The following NRXN3 variants were observed in gnomAD, a reference collection of about 807,000 sequenced individuals.
NRXN3 encodes the protein neurexin III.
A neutral mutation model predicts 137.6 loss-of-function variants in NRXN3; 32 were observed. That is an observed-to-expected ratio of 0.23 (90% CI 0.18 to 0.31). The LOEUF is 0.31. Among genes scored for constraint, NRXN3 ranks in the 10% least tolerant of loss-of-function variants. The pLI is 1.00. For missense variants in NRXN3, 1,574 were observed against 2,062.5 expected (o/e 0.76, Z 4.59); for synonymous variants, 798 against 784.5 (o/e 1.02, Z -0.29).
At chr14:78,217,947 C>T (rs1235257756) in intron 1 of NRXN3, among the ~76,000 whole-genome samples, 1 of 152,140 alleles carries the variant, frequency 6.6e-6, no homozygotes, top group African/African-American at 2.4e-5. Flanking sequence ...AGGCATAAGC[C>T]CCCACATCTG....
intron 4 of NRXN3, among the ~76,000 whole-genome samples, chr14:78,322,002 G>A (rs61976032): frequency 0.17 from 26,353 of 151,806 alleles, 2,495 homozygotes; most frequent in Middle Eastern, 0.22. Context: ...TCACCACTTT[G>A]AATAAAACTA....
intron 4 of NRXN3, among the ~76,000 whole-genome samples, chr14:78,532,402 TG>T (rs1415319739): frequency 2.6e-5 from 4 of 151,626 alleles, no homozygotes; most frequent in Admixed American, 6.6e-5. Context: ...TGTGTGTGTG[TG>T]TGTGTGTGTG....
chr14:79,785,875 A>G (rs2099127846), intron 19 of NRXN3, among the ~76,000 whole-genome samples: 2 of 152,042 alleles, frequency 1.3e-5, no homozygotes, highest in Non-Finnish European at 2.9e-5. Flanking sequence ...CCTTAACATC[A>G]TCTGCTGAAC....
chr14:78,845,930 GTGTGTGTA>G (rs2099025622), intron 10 of NRXN3, among the ~76,000 whole-genome samples: 1 of 151,620 alleles, frequency 6.6e-6, no homozygotes, highest in African/African-American at 2.4e-5. Flanking sequence ...GTGTGTGTGT[GTGTGTGTA>G]TGTGTGTGTA....
intron 16 of NRXN3, among the ~76,000 whole-genome samples, chr14:79,590,737 T>G (rs1339359601): frequency 6.6e-6 from 1 of 152,242 alleles, no homozygotes; most frequent in Non-Finnish European, 1.5e-5. Flanking sequence ...TACAGTCTTC[T>G]GTGTGTCACA....
At chr14:79,637,738 T>TTTTTTTTTTTTTTTTTTTTTTC in intron 16 of NRXN3, among the ~76,000 whole-genome samples, 1 of 138,432 alleles carries the variant, frequency 7.2e-6, no homozygotes, top group African/African-American at 3.1e-5. Flanking sequence ...TCTTTTTTTT[T>TTTTTTTTTTTTTTTTTTTTTTC]TTTTTTTTTG....
chr14:79,094,127 G>T (rs554870010), intron 15 of NRXN3, among the ~76,000 whole-genome samples: 1 of 152,222 alleles, frequency 6.6e-6, no homozygotes, highest in South Asian at 2.1e-4. Flanking sequence ...TAGATGAACA[G>T]CCCAGCTTGG....
At chr14:78,421,402 A>G (rs2153677621) in intron 4 of NRXN3, among the ~76,000 whole-genome samples, 1 of 152,332 alleles carries the variant, frequency 6.6e-6, no homozygotes, top group African/African-American at 2.4e-5. Context: ...TCTAACAAGG[A>G]GGATATAAAT....
chr14:79,041,280 G>A (rs2099624621), intron 15 of NRXN3, among the ~76,000 whole-genome samples: 1 of 152,180 alleles, frequency 6.6e-6, no homozygotes, highest in Non-Finnish European at 1.5e-5. Flanking sequence ...GTGAAATAAT[G>A]TATGTCAAAG....
intron 15 of NRXN3, among the ~76,000 whole-genome samples, chr14:79,127,472 A>G (rs375080605): frequency 6.6e-5 from 10 of 152,076 alleles, no homozygotes; most frequent in Admixed American, 2.6e-4. Flanking sequence ...GTTTGTCAAA[A>G]ATCAGATAGT....
chr14:79,798,747 G>A (rs899784913), intron 19 of NRXN3, among the ~76,000 whole-genome samples: 1 of 152,284 alleles, frequency 6.6e-6, no homozygotes, highest in East Asian at 1.9e-4. Context: ...AAGGCAGTTG[G>A]GCAGTAAGGA....
At position 78,803,679 on chromosome 14, in the gene NRXN3, A is replaced by G. The variant is rs1325490998; in HGVS notation, c.2104A>G (p.Met702Val). ...MYMKIIMPMV[M>V]HTEAEDVSFR... ...CATGAAGATCATCATGCCCATGGTC[A>G]TGCATACTGAGGCAGAGGATGTGTC... The change falls in exon 9 of 21, where the codon ATG becomes GTG. Residue 702 changes from methionine (M) to valine (V), a missense_variant. Met to Val is a conservative substitution (Grantham distance 21). Transcript: ENST00000335750. The G allele has an allele frequency of 1.9e-6, 3 of 1,614,156 alleles. No homozygotes were observed. Among genetic ancestry groups the G allele is most frequent in the South Asian group, 1.1e-5 (1 of 91,086 alleles).
At chr14:79,393,971 TAGGGTG>T (rs1299269161) in intron 15 of NRXN3, among the ~76,000 whole-genome samples, 4 of 152,154 alleles carry the variant, frequency 2.6e-5, no homozygotes, top group African/African-American at 9.7e-5. Context: ...CTAGGTCCAG[TAGGGTG>T]GAAGTCAGAA....
chr14:78,314,893 CTCTT>C (rs67628703), intron 4 of NRXN3, among the ~76,000 whole-genome samples: 926 of 81,848 alleles, frequency 0.011, 14 homozygotes, highest in Non-Finnish European at 0.016. Context: ...TTCTTTCTTT[CTCTT>C]TCTTTCTTTC....
chr14:78,893,876 G>T (rs1188919274), intron 10 of NRXN3, among the ~76,000 whole-genome samples: 1 of 151,806 alleles, frequency 6.6e-6, no homozygotes, highest in Non-Finnish European at 1.5e-5. Flanking sequence ...TAAATTGTTT[G>T]GTTTCCCAGT....
chr14:79,621,445 T>A (rs1206985608), intron 16 of NRXN3, among the ~76,000 whole-genome samples: 1 of 152,248 alleles, frequency 6.6e-6, no homozygotes, highest in Non-Finnish European at 1.5e-5. Flanking sequence ...GATAACTTTA[T>A]GAGTCCTTTG....
chr14:78,771,134 C>A (rs1359779733), intron 8 of NRXN3, among the ~76,000 whole-genome samples: 3 of 152,172 alleles, frequency 2.0e-5, no homozygotes, highest in Admixed American at 6.5e-5. Context: ...GAGGTGGCAC[C>A]GCTGAGCAAG....
intron 4 of NRXN3, among the ~76,000 whole-genome samples, chr14:78,546,771 T>G (rs1014579036): frequency 1.3e-5 from 2 of 152,206 alleles, no homozygotes; most frequent in African/African-American, 4.8e-5. Flanking sequence ...TATAGGCACT[T>G]TCCACATATT....
At chr14:79,403,550 G>A (rs568845973) in intron 15 of NRXN3, among the ~76,000 whole-genome samples, 1 of 152,182 alleles carries the variant, frequency 6.6e-6, no homozygotes, top group Non-Finnish European at 1.5e-5. Flanking sequence ...AAACTGAGAT[G>A]CAGTGCAGTG....
Sources: gnomAD v4.1 joint callset for allele counts (sites outside exome capture counted in the v4.1 genomes callset) on GRCh38, gnomAD v4.1.1 for gene constraint, MANE v1.5 for transcripts, NCBI Gene and HGNC (gene_info 2026-07-23, HGNC 2026-07-21) for gene names.